ADAM23: variants seen among roughly 807,000 people sequenced by gnomAD.
ADAM23 encodes disintegrin and metalloproteinase domain-containing protein 23.
In ADAM23, 33 loss-of-function variants were observed where a neutral mutation model predicts 120.1. The ratio of observed to expected loss-of-function variants is 0.27; its 90% CI spans 0.21 to 0.37. The LOEUF is 0.37. Ranked by LOEUF, ADAM23 falls within the 10% of genes least tolerant of loss-of-function variation. The pLI is 1.00. For missense variants in ADAM23, 862 were observed against 1,058.2 expected (o/e 0.81, Z 2.57); for synonymous variants, 367 against 375.2 (o/e 0.98, Z 0.25).
intron 24 of ADAM23, among the ~76,000 whole-genome samples, chr2:206,600,530 A>C (rs1698621282): frequency 1.3e-5 from 2 of 152,206 alleles, no homozygotes; most frequent in Non-Finnish European, 1.5e-5. Flanking sequence ...TGCCCTTTGG[A>C]TCAAGACCAA....
chr2:206,594,941 T>C (rs1322960637), intron 23 of ADAM23, 36 bp downstream of exon 23: 5 of 1,607,454 alleles, frequency 3.1e-6, no homozygotes, highest in Non-Finnish European at 3.4e-6. Context: ...GGAACCTTCA[T>C]GGTCTGGCAT....
At chr2:206,540,918 T>G (rs1169003957) in intron 4 of ADAM23, among the ~76,000 whole-genome samples, 1 of 146,882 alleles carries the variant, frequency 6.8e-6, no homozygotes, top group East Asian at 1.9e-4. Context: ...ATAAAAATTA[T>G]TATTTTTATT....
chr2:206,558,001 G>A (rs1697680575), intron 10 of ADAM23, among the ~76,000 whole-genome samples: 1 of 152,076 alleles, frequency 6.6e-6, no homozygotes, highest in Non-Finnish European at 1.5e-5. Context: ...TCTAGATGAT[G>A]GAAATAAGTG....
intron 24 of ADAM23, among the ~76,000 whole-genome samples, chr2:206,608,227 A>G (rs1242072401): frequency 6.6e-6 from 1 of 152,234 alleles, no homozygotes; most frequent in African/African-American, 2.4e-5. Flanking sequence ...AGCCATAAAC[A>G]ATATGTAAAT....
Position 206,571,711 on chromosome 2 carries a change from G to GT in ADAM23, c.1567-16_1567-15insT. Reference sequence around the variant, plus strand: ...GGTAAGGCTCTTCGCTTACTCACGTGAAGTGTTTTCTCTAGGAATGCTATG... The same window carrying GT: ...GGTAAGGCTCTTCGCTTACTCACGTGTAAGTGTTTTCTCTAGGAATGCTATG... On this transcript the variant is annotated splice_polypyrimidine_tract_variant and intron_variant, in intron 16 of 25. Transcript: ENST00000264377. 1 of 1,607,322 alleles carries GT rather than the reference G, an allele frequency of 6.2e-7. No homozygotes were observed. Among genetic ancestry groups the GT allele is most frequent in the Non-Finnish European group, 8.5e-7 (1 of 1,173,900 alleles).
intron 4 of ADAM23, among the ~76,000 whole-genome samples, chr2:206,535,307 AGT>A (rs1697151478): frequency 6.6e-6 from 1 of 152,350 alleles, no homozygotes; most frequent in East Asian, 1.9e-4. Flanking sequence ...GACAATAACA[AGT>A]GCTGTCGAGA....
chr2:206,518,305 T>G (rs1029881799), intron 3 of ADAM23, among the ~76,000 whole-genome samples: 2 of 152,144 alleles, frequency 1.3e-5, no homozygotes, highest in African/African-American at 4.8e-5. Flanking sequence ...AGATAAAAAT[T>G]CAGTTTTAGT....
rs557981747 is a variant in ADAM23, at chr2:206,619,141, C to T, written c.*1514C>T. The T allele has an allele frequency of 6.6e-6, 1 of 152,258 alleles. No homozygotes were observed. Among genetic ancestry groups the T allele is most frequent in the East Asian group, 1.9e-4 (1 of 5,182 alleles). The allele number at this position is 152,258 out of a possible 1,614,324, so 9.4% of individuals were successfully genotyped here. A position where few individuals can be genotyped will look rare whatever the true frequency, so the allele number is the denominator to read the frequency against. On this transcript the variant is annotated 3_prime_UTR_variant, in exon 26 of 26. Transcript: ENST00000264377. ...TTTGTATCCGCATTGTTAAAATAGG[C>T]TTTTATGCTGTGCTGTGCTTTCAAG...
rs532782619 is a variant in ADAM23 at position 206,491,515 on chromosome 2, A to G, written c.509+10207A>G. 3.4e-4 allele frequency among the ~76,000 whole-genome samples: 52 copies of G among 152,324 alleles called. No homozygotes were observed. In the South Asian group the frequency reaches 6.8e-3, roughly 20 times the overall value. On this transcript the variant is annotated intron_variant, in intron 3 of 25. Coordinates refer to ENST00000264377, the MANE Select transcript of ADAM23 (RefSeq NM_003812.4). ...AGACCCTTTGCGGGTATCCACCCCA[A>G]TGCAGAATGTGGGCAAATAAAATCT...
At chr2:206,522,183 A>G (rs948345451) in intron 3 of ADAM23, among the ~76,000 whole-genome samples, 1 of 151,958 alleles carries the variant, frequency 6.6e-6, no homozygotes, top group Non-Finnish European at 1.5e-5. Context: ...TACATATATA[A>G]ATAAATTCAA....
intron 24 of ADAM23, among the ~76,000 whole-genome samples, chr2:206,603,079 TATATC>T (rs1273524960): frequency 6.6e-6 from 1 of 152,088 alleles, no homozygotes; most frequent in African/African-American, 2.4e-5. Context: ...GAAAATAAGA[TATATC>T]ATCGTGTGTC....
chr2:206,532,693 A>G (rs970774910), intron 4 of ADAM23, among the ~76,000 whole-genome samples: 1 of 152,254 alleles, frequency 6.6e-6, no homozygotes, highest in South Asian at 2.1e-4. Flanking sequence ...GCAAAATTTT[A>G]AATATTTTAG....
intron 2 of ADAM23, among the ~76,000 whole-genome samples, chr2:206,474,076 C>G (rs950420355): frequency 1.3e-5 from 2 of 151,228 alleles, no homozygotes; most frequent in Admixed American, 6.6e-5. Flanking sequence ...CTAATCTGCT[C>G]TAGTATCTTA....
intron 2 of ADAM23, among the ~76,000 whole-genome samples, chr2:206,451,845 G>A (rs1695202203): frequency 6.6e-6 from 1 of 152,198 alleles, no homozygotes; most frequent in African/African-American, 2.4e-5. Context: ...AGGAAGTCAA[G>A]AGATGAGCGC....
At chr2:206,465,806 G>C (rs766775580) in intron 2 of ADAM23, among the ~76,000 whole-genome samples, 8 of 152,098 alleles carry the variant, frequency 5.3e-5, no homozygotes, top group Non-Finnish European at 7.4e-5. Flanking sequence ...GACTTAAGTA[G>C]CAGCTCGGAG....
chr2:206,481,319 A>G lies in ADAM23; in HGVS notation c.509+11A>G. 1 of 1,575,560 alleles carries G rather than the reference A, an allele frequency of 6.3e-7. No homozygotes were observed. Among genetic ancestry groups the G allele is most frequent in the Non-Finnish European group, 8.6e-7 (1 of 1,162,484 alleles). On this transcript the variant is annotated intron_variant, in intron 3 of 25. Transcript: ENST00000264377. ...CCTCATACTGAACAAGTGAGTATTT[A>G]GACATAATCTTCTTAAGAAGCAGGT...
intron 3 of ADAM23, among the ~76,000 whole-genome samples, chr2:206,526,468 GAC>G (rs1696950500): frequency 6.6e-6 from 1 of 152,146 alleles, no homozygotes; most frequent in African/African-American, 2.4e-5. Context: ...AGCTCTTTTA[GAC>G]AGTTCTTCTC....
intron 3 of ADAM23, among the ~76,000 whole-genome samples, chr2:206,484,872 T>G (rs974498434): frequency 6.6e-6 from 1 of 152,272 alleles, no homozygotes; most frequent in East Asian, 1.9e-4. Context: ...CTTGTGATAA[T>G]GAATAAGTCT....
At chr2:206,474,310 C>T (rs1488447502) in intron 2 of ADAM23, among the ~76,000 whole-genome samples, 3 of 152,084 alleles carry the variant, frequency 2.0e-5, no homozygotes, top group Non-Finnish European at 2.9e-5. Context: ...ATTTTGAAGA[C>T]ATGACAACTT....
Sources: gnomAD v4.1 joint callset for allele counts (sites outside exome capture counted in the v4.1 genomes callset) on GRCh38, gnomAD v4.1.1 for gene constraint, MANE v1.5 for transcripts, NCBI Gene and HGNC (gene_info 2026-07-23, HGNC 2026-07-21) for gene names.